The following UBN1 variants were observed in gnomAD, a reference collection of about 807,000 sequenced individuals.
UBN1 encodes ubinuclein 1, also known as ubinuclein-1.
UBN1 carries 17 observed loss-of-function variants against 108.5 expected under a neutral mutation model. That is an observed-to-expected ratio of 0.16 (90% CI 0.11 to 0.24). The LOEUF (loss-of-function observed/expected upper bound fraction) is 0.24, where lower values mean the gene tolerates loss of function less well. Ranked by LOEUF, UBN1 falls within the 10% of genes least tolerant of loss-of-function variation. UBN1 has a pLI of 1.00. For synonymous variants in UBN1, 726 were observed against 564.2 expected, an observed-to-expected ratio of 1.29 and a Z score of -4.07; for missense variants, 1,595 against 1,394.4, an observed-to-expected ratio of 1.14 and a Z score of -2.29.
At chr16:4,867,226 C>T (rs1456892278) in intron 7 of UBN1, among the ~76,000 whole-genome samples, 1 of 152,194 alleles carries the variant, frequency 6.6e-6, no homozygotes, top group East Asian at 1.9e-4. Context: ...AGGGGAAGAG[C>T]AGAAGCCAGT....
intron 1 of UBN1, among the ~76,000 whole-genome samples, chr16:4,851,191 G>T (rs1308306079): frequency 3.9e-5 from 6 of 152,186 alleles, no homozygotes; most frequent in African/African-American, 1.4e-4. Context: ...TGAAGTAAAT[G>T]TGAAAAAATA....
Position 4,853,306 on chromosome 16 carries a change from C to G in UBN1, c.249+140C>G, listed in dbSNP as rs149020139. Reference sequence around the variant, plus strand: ...GATCCTGTCACTCACTCAAGGCAAGCACAAGATTTGCTTCTCTTACCTCTG... The same window carrying G: ...GATCCTGTCACTCACTCAAGGCAAGGACAAGATTTGCTTCTCTTACCTCTG... On this transcript the variant is annotated intron_variant, in intron 2 of 17. Coordinates refer to ENST00000262376, the MANE Select transcript of UBN1 (RefSeq NM_001079514.3). 8 of 1,207,682 alleles carry G rather than the reference C, an allele frequency of 6.6e-6. No homozygotes were observed. The African/African-American group carries it at 1.1e-4, about 16-fold the overall frequency. The allele number at this position is 1,207,682 out of a possible 1,614,324, so 74.8% of individuals were successfully genotyped here. A position where few individuals can be genotyped will look rare whatever the true frequency, so the allele number is the denominator to read the frequency against.
At chr16:4,864,797 C>G (rs2087243365) in intron 7 of UBN1, among the ~76,000 whole-genome samples, 1 of 152,094 alleles carries the variant, frequency 6.6e-6, no homozygotes, top group Admixed American at 6.5e-5. Flanking sequence ...GCTCTGCCCT[C>G]TATAGAATTA....
At chr16:4,850,335 C>T (rs1292472499) in intron 1 of UBN1, among the ~76,000 whole-genome samples, 2 of 152,190 alleles carry the variant, frequency 1.3e-5, no homozygotes, top group African/African-American at 2.4e-5. Flanking sequence ...TGCAGTCTCT[C>T]AGACTTGGAC....
intron 12 of UBN1, among the ~76,000 whole-genome samples, 164 bp downstream of exon 12, chr16:4,871,465 G>C (rs935995836): frequency 2.6e-5 from 4 of 152,080 alleles, no homozygotes; most frequent in African/African-American, 9.7e-5. Flanking sequence ...GCTGGGAAAG[G>C]GTCTTCTGGA....
Position 4,877,823 on chromosome 16 carries a change from A to G in UBN1, c.3355+349A>G, listed in dbSNP as rs1275126833. On this transcript the variant is annotated intron_variant, in intron 17 of 17. Transcript: ENST00000262376. The surrounding 1 kb of genome is among the most constrained non-coding windows in gnomAD (Gnocchi z 4.3). ...TAAAAAAAAAAAAAAAGGGAAGGTA[A>G]TGGTGCATCTTCTCCAAGGGCTAAT... is the stretch of plus-strand genomic sequence containing the variant. The G allele has an allele frequency of 1.9e-6, 2 of 1,027,298 alleles. No individual in the cohort carries two copies. The highest frequency in any genetic ancestry group is 2.3e-6 in the Non-Finnish European group (2 of 858,282). 63.6% of individuals were successfully genotyped at this position (1,027,298 alleles called of 1,614,324 possible). A position where few individuals can be genotyped will look rare whatever the true frequency, so the allele number is the denominator to read the frequency against.
Position 4,877,485 on chromosome 16 carries a change from G to T in UBN1, c.3355+11G>T. The T allele has an allele frequency of 1.2e-6, 2 of 1,606,482 alleles. No homozygotes were observed. Among genetic ancestry groups the T allele is most frequent in the Non-Finnish European group, 1.7e-6 (2 of 1,177,906 alleles). ...CGCAGAGTCTGCCAGGTAATCACCC[G>T]ACGGTCAGTGTGCCACGCGCACCGT... On this transcript the variant is annotated intron_variant, in intron 17 of 17. Transcript: ENST00000262376. The surrounding 1 kb of genome is among the most constrained non-coding windows in gnomAD (Gnocchi z 4.3).
intron 5 of UBN1, among the ~76,000 whole-genome samples, 156 bp downstream of exon 5, chr16:4,859,315 G>A (rs1278337005): frequency 6.6e-6 from 1 of 152,188 alleles, no homozygotes; most frequent in African/African-American, 2.4e-5. Flanking sequence ...TCTTACACGT[G>A]TGCCCTAATG....
chr16:4,861,091 G>C lies in UBN1; in HGVS notation c.1099G>C (p.Glu367Gln). 6.2e-7 allele frequency: 1 copy of C among 1,612,838 alleles called. No homozygotes were observed. The highest frequency in any genetic ancestry group is 1.1e-5 in the South Asian group (1 of 90,966). The change falls in exon 7 of 18, where the codon GAG becomes CAG. Residue 367 changes from glutamate to glutamine, a missense_variant. Physicochemically the swap from Glu to Gln is conservative, Grantham distance 29. Coordinates refer to ENST00000262376, the MANE Select transcript of UBN1 (RefSeq NM_001079514.3). ...AGCACCCCTGGAGAAGCGCGTTAAG[G>C]AGCTGGCTCAGGTATGGTGGCACAG... Reference protein sequence around the residue: ...LPAPLEKRVKELAQAARAAEG... With the variant: ...LPAPLEKRVKQLAQAARAAEG...
chr16:4,874,502 C>T lies in UBN1; in HGVS notation c.2092C>T (p.Pro698Ser). The T allele has an allele frequency of 1.2e-6, 2 of 1,614,214 alleles. No homozygotes were observed. The highest frequency in any genetic ancestry group is 2.7e-5 in the African/African-American group (2 of 75,052). ...GAACTCTGAATTCACACTGCCTGCACCCTCAAAAGCACCTGCAGAAAAAGT... is the reference window on the plus strand; with the variant it reads ...GAACTCTGAATTCACACTGCCTGCATCCTCAAAAGCACCTGCAGAAAAAGT... Reference protein sequence around the residue: ...AGNSEFTLPAPSKAPAEKVGG... With the variant: ...AGNSEFTLPASSKAPAEKVGG... Residue 698 changes from proline (P) to serine (S), a missense_variant, in exon 15 of 18, where the codon CCC becomes TCC. Transcript: ENST00000262376.
chr16:4,879,813 C>G (rs550955988), intron 17 of UBN1, among the ~76,000 whole-genome samples: 1 of 152,084 alleles, frequency 6.6e-6, no homozygotes, highest in Non-Finnish European at 1.5e-5. Flanking sequence ...ATGACGTAGC[C>G]CAAGTTGCAC....
chr16:4,872,198 TAC>T (rs1411582670), intron 12 of UBN1: 4 of 985,270 alleles, frequency 4.1e-6, no homozygotes, highest in Admixed American at 6.1e-5. Context: ...GCTGGACTCA[TAC>T]GAAGAACGTT....
chr16:4,858,955 C>G (rs8060576), intron 4 of UBN1, 70 bp from the exon 5 acceptor site: 5 of 1,570,778 alleles, frequency 3.2e-6, no homozygotes, highest in South Asian at 1.2e-5. Context: ...ACATCTCTCT[C>G]GAGACCCACT....
At chr16:4,853,473 G>A (rs12325140) in intron 2 of UBN1, among the ~76,000 whole-genome samples, 2 of 151,824 alleles carry the variant, frequency 1.3e-5, no homozygotes, top group African/African-American at 4.8e-5. Flanking sequence ...TTTCATGCTG[G>A]ACATTTTCCT....
At chr16:4,863,486 TA>T (rs2142190362) in intron 7 of UBN1, among the ~76,000 whole-genome samples, 1 of 152,324 alleles carries the variant, frequency 6.6e-6, no homozygotes, top group South Asian at 2.1e-4. Context: ...TTTGGATCCT[TA>T]ATAAGGGGTC....
intron 1 of UBN1, among the ~76,000 whole-genome samples, chr16:4,850,666 T>C (rs1254544892): frequency 6.6e-6 from 1 of 152,246 alleles, no homozygotes; most frequent in African/African-American, 2.4e-5. Flanking sequence ...ATTAGAATTA[T>C]TTTAACTCTT....
chr16:4,872,275 G>C (rs2087681043), intron 12 of UBN1: 1 of 985,224 alleles, frequency 1.0e-6, no homozygotes, highest in Non-Finnish European at 1.2e-6. Context: ...GGAATGGAGG[G>C]ACTAGGCAAT....
In UBN1 at chr16:4,873,126, A is replaced by G. The variant is rs7191502; in HGVS notation, c.1800+53A>G. On this transcript the variant is annotated intron_variant, in intron 14 of 17. Transcript: ENST00000262376. ...CAGCTATGCCCATCTCCCTACAACTATGCTCTGGAAACAGTCAAGTGACTG... is the reference window on the plus strand; with the variant it reads ...CAGCTATGCCCATCTCCCTACAACTGTGCTCTGGAAACAGTCAAGTGACTG... 9.9e-3 allele frequency: 15,991 copies of G among 1,609,982 alleles called. 1,328 individuals carry two copies. In the African/African-American group the frequency reaches 0.18, roughly 18 times the overall value.
intron 10 of UBN1, 78 bp downstream of exon 10, chr16:4,870,712 G>A (rs1036700271): frequency 6.8e-5 from 108 of 1,589,388 alleles, no homozygotes; most frequent in South Asian, 3.4e-4. Context: ...GTGTACTGCC[G>A]TTTCCCAAGG....
Sources: allele counts gnomAD v4.1 joint callset (sites outside exome capture counted in the v4.1 genomes callset), GRCh38; gene constraint gnomAD v4.1.1; non-coding constraint Gnocchi (gnomAD v3.1); transcripts MANE v1.5; gene names NCBI Gene and HGNC (gene_info 2026-07-23, HGNC 2026-07-21).